Variants in NAALADL2 observed in about 807,000 individuals in gnomAD.
NAALADL2 encodes N-acetylated alpha-linked acidic dipeptidase like 2, also known as inactive N-acetylated-alpha-linked acidic dipeptidase-like protein 2.
NAALADL2 carries 76 observed loss-of-function variants against 87.2 expected under a neutral mutation model. The ratio of observed to expected loss-of-function variants is 0.87; its 90% confidence interval spans 0.72 to 1.05. The LOEUF (loss-of-function observed/expected upper bound fraction) is 1.05, where lower values mean the gene tolerates loss of function less well. Ranked by LOEUF, NAALADL2 falls within the 50% of genes least tolerant of loss-of-function variation. The pLI is 0.00. For missense variants in NAALADL2, 1,089 were observed against 945.8 expected, an observed-to-expected ratio of 1.15 and a Z score of -1.99; for synonymous variants, 354 against 331.0, an observed-to-expected ratio of 1.07 and a Z score of -0.75.
upstream of NAALADL2, chr3:174,859,140 A>G (rs1726168010): frequency 5.4e-6 from 2 of 370,014 alleles, no homozygotes; most frequent in Non-Finnish European, 9.7e-6. Flanking sequence ...TAGAGAATTA[A>G]AAGTTTATAT....
intron 1 of NAALADL2, among the ~76,000 whole-genome samples, chr3:174,470,621 A>G (rs980564901): frequency 2.0e-5 from 3 of 152,124 alleles, no homozygotes; most frequent in Non-Finnish European, 2.9e-5. Flanking sequence ...TCTTACATTT[A>G]AGTCTCTAAT....
At chr3:175,267,510 C>T (rs1202438785) in intron 4 of NAALADL2, among the ~76,000 whole-genome samples, 2 of 152,088 alleles carry the variant, frequency 1.3e-5, no homozygotes, top group African/African-American at 4.8e-5. Flanking sequence ...TCCTTTTATG[C>T]TCAAATAAAC....
intron 2 of NAALADL2, among the ~76,000 whole-genome samples, chr3:174,621,691 CTGTGTT>C (rs1721012315): frequency 6.6e-6 from 1 of 152,258 alleles, no homozygotes; most frequent in Admixed American, 6.5e-5. Flanking sequence ...CCCATTGACT[CTGTGTT>C]TCCACAACTA....
chr3:174,809,304 G>A (rs559793186), intron 3 of NAALADL2, among the ~76,000 whole-genome samples: 1 of 152,148 alleles, frequency 6.6e-6, no homozygotes, highest in Non-Finnish European at 1.5e-5. Context: ...CGTAGCAGGA[G>A]CTTTTACTGA....
Position 175,803,985 on chromosome 3 carries a change from A to G in NAALADL2, c.*782A>G, listed in dbSNP as rs2108365208. 6.6e-6 allele frequency: 1 copy of G among 152,390 alleles called. No homozygotes were observed. The highest frequency in any genetic ancestry group is 6.6e-5 in the Admixed American group (1 of 15,212). The allele number at this position is 152,390 out of a possible 1,614,324, so 9.4% of individuals were successfully genotyped here. A position where few individuals can be genotyped will look rare whatever the true frequency, so the allele number is the denominator to read the frequency against. The stretch of plus-strand genomic sequence containing the variant: ...GAGGGAGAAAAAAATATTTCTTATT[A>G]CTTTTTCTCTTGTTTCTGTTGGAAA... On this transcript the variant is annotated 3_prime_UTR_variant, in exon 14 of 14. Coordinates refer to ENST00000454872, the MANE Select transcript of NAALADL2 (RefSeq NM_207015.3).
intron 2 of NAALADL2, among the ~76,000 whole-genome samples, chr3:175,229,762 A>G (rs1744675576): frequency 6.6e-6 from 1 of 152,022 alleles, no homozygotes; most frequent in Admixed American, 6.6e-5. Flanking sequence ...ATATATTATT[A>G]TAAGGATGGC....
intron 1 of NAALADL2, among the ~76,000 whole-genome samples, chr3:174,936,237 G>A (rs1221660491): frequency 6.6e-6 from 1 of 152,004 alleles, no homozygotes; most frequent in Non-Finnish European, 1.5e-5. Context: ...TAGTAGTTTG[G>A]AAATGACTTT....
At chr3:174,598,365 C>A (rs1406674982) in intron 2 of NAALADL2, among the ~76,000 whole-genome samples, 5 of 152,040 alleles carry the variant, frequency 3.3e-5, no homozygotes, top group Non-Finnish European at 7.4e-5. Context: ...CTTTTATATT[C>A]ATTTTCTCCC....
intron 9 of NAALADL2, among the ~76,000 whole-genome samples, chr3:175,499,642 C>T (rs967005676): frequency 6.6e-6 from 1 of 152,002 alleles, no homozygotes; most frequent in African/African-American, 2.4e-5. Context: ...GGATTGGAGC[C>T]TTACGTGGGC....
intron 9 of NAALADL2, among the ~76,000 whole-genome samples, chr3:175,527,429 C>G (rs934847220): frequency 6.6e-6 from 1 of 152,138 alleles, no homozygotes; most frequent in Non-Finnish European, 1.5e-5. Flanking sequence ...AGTTACTCAA[C>G]TAAACCAAAA....
rs1178981937 is a variant in NAALADL2, at chr3:175,630,937, T to C, written c.1896+3551T>C. Among the ~76,000 whole-genome samples, 5 of 151,780 alleles carry C rather than the reference T, an allele frequency of 3.3e-5. No individual in the cohort carries two copies. In the East Asian group the frequency reaches 7.7e-4, roughly 23 times the overall value. ...CAATATTAAAGCATTTTCAAGAAAC[T>C]AGAAGTAATTGAAATTCTGAAGATA... On this transcript the variant is annotated intron_variant, in intron 11 of 13. Transcript: ENST00000454872.
At chr3:175,168,357 C>T (rs1013299266) in intron 2 of NAALADL2, among the ~76,000 whole-genome samples, 1 of 151,738 alleles carries the variant, frequency 6.6e-6, no homozygotes, top group Non-Finnish European at 1.5e-5. Flanking sequence ...AAATATTTCT[C>T]TGACAAGAGG....
intron 1 of NAALADL2, among the ~76,000 whole-genome samples, chr3:174,890,616 G>T (rs1005560650): frequency 1.3e-5 from 2 of 152,114 alleles, no homozygotes; most frequent in African/African-American, 4.8e-5. Flanking sequence ...ATTACAAATT[G>T]CCCAGTGTGG....
At chr3:175,722,950 TC>T (rs1742440150) in intron 11 of NAALADL2, among the ~76,000 whole-genome samples, 1 of 152,146 alleles carries the variant, frequency 6.6e-6, no homozygotes, top group South Asian at 2.1e-4. Flanking sequence ...TTTCTAATTT[TC>T]CTGAGGATCT....
At chr3:175,121,079 A>T (rs1726080702) in intron 2 of NAALADL2, among the ~76,000 whole-genome samples, 1 of 151,808 alleles carries the variant, frequency 6.6e-6, no homozygotes, top group South Asian at 2.1e-4. Context: ...ATTAAAAATT[A>T]ACATCTTCTA....
chr3:174,704,066 A>C (rs1379971174), intron 2 of NAALADL2, among the ~76,000 whole-genome samples: 2 of 152,200 alleles, frequency 1.3e-5, no homozygotes, highest in Non-Finnish European at 2.9e-5. Flanking sequence ...TTCTAACGGA[A>C]TAGGCTAGGA....
At chr3:175,729,673 C>T (rs1743400740) in intron 11 of NAALADL2, among the ~76,000 whole-genome samples, 1 of 152,110 alleles carries the variant, frequency 6.6e-6, no homozygotes, top group Admixed American at 6.5e-5. Context: ...TGAGTCATCC[C>T]TACAGTCTCC....
At chr3:174,524,196 A>G (rs1720520552) in intron 1 of NAALADL2, among the ~76,000 whole-genome samples, 2 of 152,226 alleles carry the variant, frequency 1.3e-5, no homozygotes, top group South Asian at 4.1e-4. Flanking sequence ...CTACCTCTTT[A>G]TTTAATGACT....
rs368076934 is a variant in NAALADL2 at position 175,752,858 on chromosome 3, G to A, written c.1991-2362G>A. On this transcript the variant is annotated intron_variant, in intron 12 of 13. Transcript: ENST00000454872. ...TAAATGGAAGACTCTCAAGGATGTC[G>A]AACTTGTTTTTTCTGTTGTTCAGTC... Among the ~76,000 whole-genome samples, 31 of 152,206 alleles carry A rather than the reference G, an allele frequency of 2.0e-4. 1 individual carries two copies. In the East Asian group the frequency reaches 5.2e-3, roughly 26 times the overall value.
Sources: gnomAD v4.1 joint callset for allele counts (sites outside exome capture counted in the v4.1 genomes callset) on GRCh38, gnomAD v4.1.1 for gene constraint, MANE v1.5 for transcripts, NCBI Gene and HGNC (gene_info 2026-07-23, HGNC 2026-07-21) for gene names.